Variants in MAP2K4 observed in about 807,000 individuals in gnomAD.
MAP2K4 encodes mitogen-activated protein kinase kinase 4, also known as dual specificity mitogen-activated protein kinase kinase 4.
In MAP2K4, 4 loss-of-function variants were observed where a neutral mutation model predicts 48.5. The ratio of observed to expected loss-of-function variants is 0.08; its 90% CI spans 0.04 to 0.19. The LOEUF is 0.19. Ranked by LOEUF, MAP2K4 falls within the 10% of genes least tolerant of loss-of-function variation. The pLI is 1.00. For missense variants in MAP2K4, 258 were observed against 493.3 expected (o/e 0.52, Z 4.52); for synonymous variants, 166 against 173.1 (o/e 0.96, Z 0.32).
chr17:12,072,042 T>C (rs1038767966), intron 2 of MAP2K4, among the ~76,000 whole-genome samples: 1 of 152,234 alleles, frequency 6.6e-6, no homozygotes, highest in African/African-American at 2.4e-5. Flanking sequence ...GGGATTCCAA[T>C]GTAGACGCTG....
chr17:12,124,967 A>T (rs1972809007), intron 7 of MAP2K4: 1 of 291,064 alleles, frequency 3.4e-6, no homozygotes, highest in Admixed American at 4.4e-5. Context: ...GCGCCACTGC[A>T]CCTGGCGACC....
chr17:12,133,186 AT>A (rs1234821450), intron 9 of MAP2K4, among the ~76,000 whole-genome samples: 3 of 151,992 alleles, frequency 2.0e-5, no homozygotes, highest in Admixed American at 2.0e-4. Context: ...GGTTCAAGCG[AT>A]TCTCCTGCCT....
Position 12,065,929 on chromosome 17 carries a change from T to C in MAP2K4, c.218+10938T>C, listed in dbSNP as rs1428842188. 7.2e-5 allele frequency among the ~76,000 whole-genome samples: 11 copies of C among 152,312 alleles called. No homozygotes were observed. The East Asian group carries it at 2.1e-3, about 29-fold the overall frequency. ...CTGTGATAAATTTTATTTCTGCCCA[T>C]GTGGTTTCCCCTTTCATAATGTTTG... On this transcript the variant is annotated intron_variant, in intron 2 of 10. Coordinates refer to ENST00000353533, the MANE Select transcript of MAP2K4 (RefSeq NM_003010.4).
intron 4 of MAP2K4, among the ~76,000 whole-genome samples, chr17:12,104,658 G>C (rs1490257624): frequency 6.6e-6 from 1 of 151,746 alleles, no homozygotes; most frequent in Non-Finnish European, 1.5e-5. Context: ...CTGATCTTTT[G>C]TTTCTTTACA....
intron 1 of MAP2K4, among the ~76,000 whole-genome samples, chr17:12,035,824 T>C (rs1222944677): frequency 6.6e-6 from 1 of 152,208 alleles, no homozygotes; most frequent in East Asian, 1.9e-4. Flanking sequence ...AAAGATTTAT[T>C]GTAAGATGAT....
Position 12,120,885 on chromosome 17 carries a change from A to C in MAP2K4, c.814-4409A>C, listed in dbSNP as rs376003610. Among the ~76,000 whole-genome samples the C allele has an allele frequency of 7.2e-5, 11 of 152,362 alleles. No individual in the cohort carries two copies. In the East Asian group the frequency reaches 2.1e-3, roughly 29 times the overall value. Reference sequence around the variant, plus strand: ...TTGAAAGCTTGTAGCTGTTTGTTGTAGCTGCTGTTTAACAGTTGATGCAGG... The same window carrying C: ...TTGAAAGCTTGTAGCTGTTTGTTGTCGCTGCTGTTTAACAGTTGATGCAGG... On this transcript the variant is annotated intron_variant, in intron 7 of 10. Coordinates refer to ENST00000353533, the MANE Select transcript of MAP2K4 (RefSeq NM_003010.4).
intron 4 of MAP2K4, among the ~76,000 whole-genome samples, chr17:12,106,668 T>C (rs1287066104): frequency 6.6e-6 from 1 of 152,118 alleles, no homozygotes; most frequent in Non-Finnish European, 1.5e-5. Context: ...TATTTATAAA[T>C]AAGTAACAAC....
chr17:12,125,737 T>G (rs1972831994), intron 8 of MAP2K4, among the ~76,000 whole-genome samples: 2 of 152,308 alleles, frequency 1.3e-5, no homozygotes, highest in South Asian at 4.1e-4. Flanking sequence ...TCAGGCAAGG[T>G]GTAGTATGTC....
chr17:12,043,160 T>C (rs939829332), intron 1 of MAP2K4, among the ~76,000 whole-genome samples: 1 of 152,250 alleles, frequency 6.6e-6, no homozygotes, highest in Non-Finnish European at 1.5e-5. Flanking sequence ...ACTATTGATA[T>C]ATGATGGAGA....
chr17:12,039,851 G>A, intron 1 of MAP2K4, among the ~76,000 whole-genome samples: 1 of 151,990 alleles, frequency 6.6e-6, no homozygotes, highest in Non-Finnish European at 1.5e-5. Context: ...TTAAAAAATT[G>A]GTTAATTTAT....
rs562751094 is a variant in MAP2K4, at chr17:12,087,443, G to A, written c.393+5913G>A. 5.3e-5 allele frequency among the ~76,000 whole-genome samples: 8 copies of A among 152,172 alleles called. No individual in the cohort carries two copies. The South Asian group carries it at 1.5e-3, about 28-fold the overall frequency. ...AGAAGATGATACCACTCTTACCAAGGCATGTCAAACTTGTTCCATTAACTT... is the reference window on the plus strand; with the variant it reads ...AGAAGATGATACCACTCTTACCAAGACATGTCAAACTTGTTCCATTAACTT... On this transcript the variant is annotated intron_variant, in intron 3 of 10. Transcript: ENST00000353533.
intron 9 of MAP2K4, among the ~76,000 whole-genome samples, chr17:12,131,326 A>AC (rs2151592171): frequency 6.7e-6 from 1 of 149,884 alleles, no homozygotes; most frequent in Admixed American, 6.7e-5. Flanking sequence ...GCTCACTGCA[A>AC]CCTCCACCTC....
At chr17:12,067,877 G>C (rs538039395) in intron 2 of MAP2K4, among the ~76,000 whole-genome samples, 2 of 152,254 alleles carry the variant, frequency 1.3e-5, no homozygotes, top group East Asian at 3.9e-4. Context: ...AGACACAGAC[G>C]TGTGTGTGTA....
chr17:12,045,934 T>A (rs1969947963), intron 1 of MAP2K4, among the ~76,000 whole-genome samples: 1 of 152,228 alleles, frequency 6.6e-6, no homozygotes, highest in Non-Finnish European at 1.5e-5. Context: ...TTAAAAATGG[T>A]CTGAGCACCT....
In MAP2K4 at chr17:12,070,690, A is replaced by G. The variant is rs1970773282; in HGVS notation, c.219-10666A>G. 5.3e-5 allele frequency among the ~76,000 whole-genome samples: 8 copies of G among 152,234 alleles called. No individual in the cohort carries two copies. In the South Asian group the frequency reaches 1.7e-3, roughly 32 times the overall value. On this transcript the variant is annotated intron_variant, in intron 2 of 10. Coordinates refer to ENST00000353533, the MANE Select transcript of MAP2K4 (RefSeq NM_003010.4). ...AAACTACAGCTCATGAGCTGAATCC[A>G]TCCTGTTTGCTTGTTTTTGTAAGTA...
chr17:12,083,589 G>A (rs1241252337), intron 3 of MAP2K4, among the ~76,000 whole-genome samples: 2 of 152,186 alleles, frequency 1.3e-5, no homozygotes, highest in African/African-American at 2.4e-5. Flanking sequence ...ACATATAGTT[G>A]AGGAGTACCT....
At chr17:12,030,623 T>C (rs1969406147) in intron 1 of MAP2K4, among the ~76,000 whole-genome samples, 1 of 152,118 alleles carries the variant, frequency 6.6e-6, no homozygotes, top group Admixed American at 6.5e-5. Context: ...ATTTTTAATA[T>C]ATTATACACT....
rs1972366824 is a variant in MAP2K4, at chr17:12,113,220, C to T, written c.686-13C>T. The T allele has an allele frequency of 1.2e-6, 2 of 1,611,462 alleles. No homozygotes were observed. The highest frequency in any genetic ancestry group is 1.3e-5 in the African/African-American group (1 of 74,862). On this transcript the variant is annotated splice_polypyrimidine_tract_variant and intron_variant, in intron 6 of 10. Transcript: ENST00000353533. ...AAGCTAATTGTATACTGAATGATAT[C>T]TATGTCTTGCAGATATCAAACCTTC...
intron 1 of MAP2K4, among the ~76,000 whole-genome samples, chr17:12,037,909 T>A (rs913174474): frequency 1.6e-4 from 25 of 152,280 alleles, no homozygotes; most frequent in Non-Finnish European, 3.1e-4. Flanking sequence ...TCTTTGACCT[T>A]GGAAATGGTG....
Sources: gnomAD v4.1 joint callset for allele counts (sites outside exome capture counted in the v4.1 genomes callset) on GRCh38, gnomAD v4.1.1 for gene constraint, MANE v1.5 for transcripts, NCBI Gene and HGNC (gene_info 2026-07-23, HGNC 2026-07-21) for gene names.